The following ACTR2 variants were observed in gnomAD, a reference collection of about 807,000 sequenced individuals.
ACTR2 encodes the protein actin-related protein 2.
A neutral mutation model predicts 50.2 loss-of-function variants in ACTR2; 5 were observed. The observed-to-expected ratio is 0.10, with a 90% CI of 0.05 to 0.21. ACTR2 has a LOEUF of 0.21. Ranked by LOEUF, ACTR2 falls within the 10% of genes least tolerant of loss-of-function variation. The pLI is 1.00. For synonymous variants in ACTR2, 140 were observed against 162.9 expected (o/e 0.86, Z 1.07); for missense variants, 180 against 480.6 (o/e 0.37, Z 5.85).
intron 1 of ACTR2, among the ~76,000 whole-genome samples, chr2:65,233,786 C>G (rs6546140): frequency 0.33 from 49,699 of 151,514 alleles, 9,111 homozygotes; most frequent in African/African-American, 0.48. Context: ...CAATTTTGTA[C>G]TTTTAGTAGA....
intron 1 of ACTR2, among the ~76,000 whole-genome samples, chr2:65,228,791 T>C (rs1671580942): frequency 6.6e-6 from 1 of 152,200 alleles, no homozygotes; most frequent in South Asian, 2.1e-4. Flanking sequence ...ACTAAAGCAC[T>C]GATTTAGAAA....
intron 7 of ACTR2, among the ~76,000 whole-genome samples, chr2:65,263,720 G>A (rs1396349531): frequency 2.0e-5 from 3 of 152,204 alleles, no homozygotes; most frequent in African/African-American, 7.2e-5. Context: ...GTTCTTTGAT[G>A]TTCATTCACA....
At chr2:65,254,279 T>G (rs535852223) in intron 5 of ACTR2, among the ~76,000 whole-genome samples, 2 of 152,180 alleles carry the variant, frequency 1.3e-5, no homozygotes, top group Non-Finnish European at 2.9e-5. Context: ...TTGGGTTGTC[T>G]GCTCTTGTCC....
intron 3 of ACTR2, among the ~76,000 whole-genome samples, chr2:65,250,422 C>T (rs1479558370): frequency 6.6e-6 from 1 of 151,496 alleles, no homozygotes; most frequent in East Asian, 1.9e-4. Context: ...CACCTGTAAT[C>T]CCAGCACTTT....
chr2:65,247,707 C>T (rs1451703846), intron 3 of ACTR2, among the ~76,000 whole-genome samples: 1 of 152,150 alleles, frequency 6.6e-6, no homozygotes, highest in Non-Finnish European at 1.5e-5. Flanking sequence ...AGGGGTTGGT[C>T]TTGCTGTCTC....
chr2:65,264,618 A>C (rs774405000), intron 7 of ACTR2, among the ~76,000 whole-genome samples: 14 of 152,230 alleles, frequency 9.2e-5, no homozygotes, highest in Non-Finnish European at 2.1e-4. Context: ...CCTCTAAGCA[A>C]AGGAACAAAA....
At chr2:65,232,995 TA>T (rs1434660147) in intron 1 of ACTR2, among the ~76,000 whole-genome samples, 1 of 147,460 alleles carries the variant, frequency 6.8e-6, no homozygotes, top group East Asian at 2.1e-4. Flanking sequence ...CATCATGGTT[TA>T]GTTTTTTTTT....
At chr2:65,256,486 A>G (rs1364694363) in intron 6 of ACTR2, among the ~76,000 whole-genome samples, 2 of 152,230 alleles carry the variant, frequency 1.3e-5, no homozygotes, top group Admixed American at 6.5e-5. Context: ...GTAATAGGCA[A>G]TGAAGGCAAG....
intron 2 of ACTR2, among the ~76,000 whole-genome samples, chr2:65,240,251 A>G (rs1032106151): frequency 4.6e-5 from 7 of 152,228 alleles, no homozygotes; most frequent in African/African-American, 1.7e-4. Context: ...CTTAAGTCCT[A>G]TTACATAATA....
intron 3 of ACTR2, among the ~76,000 whole-genome samples, chr2:65,249,844 G>T (rs531320689): frequency 1.1e-3 from 168 of 152,338 alleles, no homozygotes; most frequent in African/African-American, 4.0e-3. Context: ...GATTCAAGTA[G>T]GGACTGGGCT....
chr2:65,230,650 A>ATCTGCCC (rs1356445587), intron 1 of ACTR2, among the ~76,000 whole-genome samples: 1 of 151,912 alleles, frequency 6.6e-6, no homozygotes, highest in Admixed American at 6.6e-5. Flanking sequence ...GGGTTAAAAG[A>ATCTGCCC]TCTGCCCACT....
At chr2:65,241,664 A>T (rs543742319) in intron 2 of ACTR2, among the ~76,000 whole-genome samples, 18 of 152,248 alleles carry the variant, frequency 1.2e-4, no homozygotes, top group Non-Finnish European at 2.5e-4. Context: ...CACTCTGCCT[A>T]CTCAGCTAGA....
intron 2 of ACTR2, among the ~76,000 whole-genome samples, chr2:65,241,699 CTTAA>C (rs964597550): frequency 5.9e-5 from 9 of 152,086 alleles, no homozygotes; most frequent in Admixed American, 1.3e-4. Flanking sequence ...ATTTATTTTT[CTTAA>C]TTAAAGTTCT....
At position 65,239,933 on chromosome 2, in the gene ACTR2, A is replaced by G; in HGVS notation, c.130A>G (p.Thr44Ala). 4 of 1,611,884 alleles carry G rather than the reference A, an allele frequency of 2.5e-6. No homozygotes were observed. The highest frequency in any genetic ancestry group is 3.4e-6 in the Non-Finnish European group (4 of 1,178,128). Residue 44 changes from threonine to alanine, a missense_variant, in exon 2 of 9, where the codon ACC (threonine) becomes GCC (alanine). Thr to Ala is a moderately conservative substitution (Grantham distance 58). Transcript: ENST00000260641. ...ALVGRPIIRS[T>A]TKVGNIEIKD... is the part of the protein sequence containing the mutation. ...GGTTGGAAGACCTATTATCAGATCA[A>G]CCACCAAAGTGGGAAACATTGAAAT...
intron 1 of ACTR2, among the ~76,000 whole-genome samples, chr2:65,233,710 CA>C: frequency 6.6e-6 from 1 of 151,880 alleles, no homozygotes; most frequent in East Asian, 1.9e-4. Flanking sequence ...CTCCCAGGTT[CA>C]AGTGATTCTT....
intron 2 of ACTR2, chr2:65,246,118 T>C: frequency 6.3e-6 from 1 of 159,562 alleles, no homozygotes; most frequent in Non-Finnish European, 1.4e-5. Flanking sequence ...CAAAGAAATG[T>C]GCTGCATGCA....
chr2:65,230,151 T>G (rs937538962), intron 1 of ACTR2, among the ~76,000 whole-genome samples: 4 of 152,224 alleles, frequency 2.6e-5, no homozygotes, highest in African/African-American at 9.6e-5. Context: ...AAAATTCAGT[T>G]AAATGTGCTT....
intron 1 of ACTR2, among the ~76,000 whole-genome samples, chr2:65,234,562 T>G (rs1671705109): frequency 6.6e-6 from 1 of 151,918 alleles, no homozygotes; most frequent in African/African-American, 2.4e-5. Flanking sequence ...GAACTACCCA[T>G]CTGAACGATT....
In ACTR2 at chr2:65,268,828, C is replaced by G; in HGVS notation, c.*94C>G. On this transcript the variant is annotated 3_prime_UTR_variant, in exon 9 of 9. Transcript: ENST00000260641. ...ATTCAACTCCAGGACATGGAAGAGG[C>G]CTCTCTCTGCCCTTTGACTGGAAAG... The G allele has an allele frequency of 7.7e-7, 1 of 1,302,820 alleles. No homozygotes were observed. The highest frequency in any genetic ancestry group is 1.1e-6 in the Non-Finnish European group (1 of 939,886). 80.7% of individuals were successfully genotyped at this position (1,302,820 alleles called of 1,614,324 possible).
Sources: gnomAD v4.1 joint callset for allele counts (sites outside exome capture counted in the v4.1 genomes callset) on GRCh38, gnomAD v4.1.1 for gene constraint, MANE v1.5 for transcripts, NCBI Gene and HGNC (gene_info 2026-07-23, HGNC 2026-07-21) for gene names.